Variants in FSD1L observed in about 807,000 individuals in gnomAD.
FSD1L encodes the protein FSD1-like protein.
FSD1L carries 45 observed loss-of-function variants against 71.6 expected under a neutral mutation model. The ratio of observed to expected loss-of-function variants is 0.63; its 90% CI spans 0.49 to 0.81. FSD1L has a LOEUF of 0.81. FSD1L is among the 30% of genes least tolerant of loss of function. FSD1L has a pLI of 0.00. For missense variants in FSD1L, 561 were observed against 618.1 expected (o/e 0.91, Z 0.98); for synonymous variants, 197 against 207.2 (o/e 0.95, Z 0.42).
At chr9:105,474,763 A>C (rs1405972527) in intron 5 of FSD1L, among the ~76,000 whole-genome samples, 1 of 152,250 alleles carries the variant, frequency 6.6e-6, no homozygotes, top group Non-Finnish European at 1.5e-5. Context: ...TTCATACTTC[A>C]TTATCTTCAA....
upstream of FSD1L, among the ~76,000 whole-genome samples, chr9:105,444,393 C>T (rs1344425570): frequency 6.6e-6 from 1 of 152,182 alleles, no homozygotes; most frequent in African/African-American, 2.4e-5. Flanking sequence ...TAAGCAGCAG[C>T]ATCTGGATTT....
intron 7 of FSD1L, among the ~76,000 whole-genome samples, chr9:105,497,840 GT>G (rs1361406796): frequency 1.3e-5 from 2 of 151,650 alleles, no homozygotes; most frequent in Admixed American, 1.3e-4. Context: ...TTCTGTTCTT[GT>G]TTTTTGTTTG....
rs769954544 is a variant in FSD1L at position 105,534,558 on chromosome 9, G to A, written c.1091G>A (p.Arg364Lys). ...GSRPPAVRGS[R>K]DRFTGESYTV... is the part of the protein sequence containing the mutation. The stretch of plus-strand genomic sequence containing the variant: ...AGGCCACCAGCAGTAAGAGGCAGTA[G>A]AGATCGTTTTACTGGAGAATCATAC... The change falls in exon 11 of 14, where the codon AGA becomes AAA. Residue 364 changes from arginine to lysine, a missense_variant. Arg to Lys is a conservative substitution (Grantham distance 26). This residue lies in a region of FSD1L where 53 missense variants were observed against 102.2 expected (regional missense o/e 0.52). Transcript: ENST00000481272. 6.4e-7 allele frequency: 1 copy of A among 1,550,560 alleles called. No individual in the cohort carries two copies. The highest frequency in any genetic ancestry group is 1.2e-5 in the South Asian group (1 of 84,010).
intron 10 of FSD1L, chr9:105,524,632 A>T (rs1027436296): frequency 6.2e-7 from 1 of 1,613,962 alleles, no homozygotes; most frequent in South Asian, 1.1e-5. Context: ...GCATCTGTAG[A>T]TTATGATCCT....
In FSD1L at chr9:105,549,756, C is replaced by A. The variant is rs1564164046; in HGVS notation, c.*3273C>A. On this transcript the variant is annotated 3_prime_UTR_variant, in exon 14 of 14. Transcript: ENST00000481272. ...ATGATAAAAGTAAATGTAATGGAATCTTTTAATTAGGCTAAGATATGCTAT... is the reference window on the plus strand; with the variant it reads ...ATGATAAAAGTAAATGTAATGGAATATTTTAATTAGGCTAAGATATGCTAT... The A allele has an allele frequency of 7.9e-5, 12 of 151,884 alleles. No homozygotes were observed. The highest frequency in any genetic ancestry group is 5.9e-4 in the Admixed American group (9 of 15,228). The allele number at this position is 151,884 out of a possible 1,614,324, so 9.4% of individuals were successfully genotyped here. A position where few individuals can be genotyped will look rare whatever the true frequency, so the allele number is the denominator to read the frequency against.
chr9:105,520,412 A>G, intron 10 of FSD1L: 6 of 1,094,604 alleles, frequency 5.5e-6, no homozygotes, highest in Admixed American at 5.4e-5. Context: ...CATTTTTTAC[A>G]TATATACTAT....
intron 7 of FSD1L, among the ~76,000 whole-genome samples, chr9:105,502,054 A>G (rs762873908): frequency 1.3e-5 from 2 of 151,916 alleles, no homozygotes; most frequent in African/African-American, 2.4e-5. Flanking sequence ...ATATATTTTT[A>G]TATACTAACA....
intron 1 of FSD1L, among the ~76,000 whole-genome samples, chr9:105,450,394 G>A (rs1238164371): frequency 2.6e-5 from 4 of 152,162 alleles, no homozygotes; most frequent in African/African-American, 9.7e-5. Flanking sequence ...TAAGAGGATG[G>A]CTCTGGAGCC....
intron 7 of FSD1L, among the ~76,000 whole-genome samples, chr9:105,493,134 T>C (rs1833078720): frequency 6.6e-6 from 1 of 152,160 alleles, no homozygotes; most frequent in African/African-American, 2.4e-5. Context: ...TGTGGGAGTC[T>C]AAGTCTCTTT....
intron 1 of FSD1L, among the ~76,000 whole-genome samples, chr9:105,459,697 G>C (rs1267283565): frequency 6.6e-6 from 1 of 152,184 alleles, no homozygotes; most frequent in East Asian, 1.9e-4. Flanking sequence ...TGATCTGAAT[G>C]GTTGCTTTTT....
intron 1 of FSD1L, among the ~76,000 whole-genome samples, chr9:105,452,628 C>CGCCTGCCTGCCTGCCTGCCT (rs530990124): frequency 6.4e-5 from 8 of 124,400 alleles, no homozygotes; most frequent in African/African-American, 2.0e-4. Context: ...GGCGCTCGCT[C>CGCCTGCCTGCCTGCCTGCCT]GCCTGCCTGC....
Position 105,549,406 on chromosome 9 carries a change from A to G in FSD1L, c.*2923A>G, listed in dbSNP as rs530306707. 2.6e-5 allele frequency: 4 copies of G among 152,222 alleles called. No homozygotes were observed. The highest frequency in any genetic ancestry group is 7.2e-5 in the African/African-American group (3 of 41,574). 9.4% of individuals were successfully genotyped at this position (152,222 alleles called of 1,614,324 possible). A position where few individuals can be genotyped will look rare whatever the true frequency, so the allele number is the denominator to read the frequency against. On this transcript the variant is annotated 3_prime_UTR_variant, in exon 14 of 14. Coordinates refer to ENST00000481272, the MANE Select transcript of FSD1L (RefSeq NM_001145313.3). ...TTTAAATTTTGGTAAATATGTAGAT[A>G]CCAAGCATTAATAACTAATGCACAC...
intron 10 of FSD1L, among the ~76,000 whole-genome samples, chr9:105,529,009 T>C (rs1197113957): frequency 2.0e-5 from 3 of 151,336 alleles, no homozygotes; most frequent in African/African-American, 7.3e-5. Flanking sequence ...AACAAAGATA[T>C]TAAAAAAAAT....
At chr9:105,486,455 T>A (rs557046095) in intron 7 of FSD1L, among the ~76,000 whole-genome samples, 61 of 152,326 alleles carry the variant, frequency 4.0e-4, no homozygotes, top group African/African-American at 1.1e-3. Flanking sequence ...TACTTTTAAG[T>A]AGAACACTTT....
intron 7 of FSD1L, among the ~76,000 whole-genome samples, chr9:105,494,009 G>A (rs1284951608): frequency 1.3e-5 from 2 of 152,132 alleles, no homozygotes; most frequent in Non-Finnish European, 2.9e-5. Flanking sequence ...GAGTATCTTT[G>A]TGTCATTCTC....
chr9:105,523,197 A>G, intron 10 of FSD1L: 1 of 1,613,540 alleles, frequency 6.2e-7, no homozygotes, highest in Non-Finnish European at 8.5e-7. Flanking sequence ...TGAAGTTGCA[A>G]CTATTACTGG....
chr9:105,485,539 T>TG (rs1832485382), intron 7 of FSD1L, among the ~76,000 whole-genome samples: 1 of 149,856 alleles, frequency 6.7e-6, no homozygotes, highest in Admixed American at 6.7e-5. Context: ...AGGTGTTTTT[T>TG]TTTTTTTTTT....
At chr9:105,471,152 T>TC (rs1212035277) in intron 4 of FSD1L, among the ~76,000 whole-genome samples, 1 of 152,202 alleles carries the variant, frequency 6.6e-6, no homozygotes, top group African/African-American at 2.4e-5. Context: ...TCATGTCTTT[T>TC]CTCTTGCCTT....
intron 7 of FSD1L, among the ~76,000 whole-genome samples, chr9:105,501,734 A>G (rs772389207): frequency 1.4e-4 from 22 of 151,910 alleles, no homozygotes; most frequent in Non-Finnish European, 1.8e-4. Flanking sequence ...GCACCCAGCC[A>G]TCATTTCCGC....
Sources: gnomAD v4.1 joint callset for allele counts (sites outside exome capture counted in the v4.1 genomes callset) on GRCh38, gnomAD v4.1.1 for gene constraint, gnomAD v4.1.1 regional missense constraint, MANE v1.5 for transcripts, NCBI Gene and HGNC (gene_info 2026-07-23, HGNC 2026-07-21) for gene names.